Variants in SAMD10 observed in about 807,000 individuals in gnomAD.
SAMD10 encodes the protein sterile alpha motif domain-containing protein 10.
A neutral mutation model predicts 22.5 loss-of-function variants in SAMD10; 16 were observed. The observed-to-expected ratio is 0.71, with a 90% CI of 0.48 to 1.08. The LOEUF (loss-of-function observed/expected upper bound fraction) is 1.08. Ranked by LOEUF, SAMD10 falls within the 50% of genes least tolerant of loss-of-function variation. The pLI is 0.00. For missense variants in SAMD10, 227 were observed against 281.3 expected (o/e 0.81, Z 1.38); for synonymous variants, 118 against 122.2 (o/e 0.97, Z 0.23).
rs1041660546 is a variant in SAMD10 at position 63,977,910 on chromosome 20, C to T, written c.92-504G>A. ...TGCTTGCCCATCGCCACTGAAGGCA[C>T]CCAGTTCACACAGCCCTATCTGGTG... On this transcript the variant is annotated intron_variant, in intron 1 of 4. Transcript: ENST00000369886. This position sits in a 1 kb window ranked among gnomAD's most constrained non-coding sequence, Gnocchi z 5.4. Among the ~76,000 whole-genome samples, 1 of 152,226 alleles carries T rather than the reference C, an allele frequency of 6.6e-6. No individual in the cohort carries two copies. Among genetic ancestry groups the T allele is most frequent in the Non-Finnish European group, 1.5e-5 (1 of 68,038 alleles).
intron 4 of SAMD10, 33 bp downstream of exon 4, chr20:63,975,659 A>G: frequency 6.3e-7 from 1 of 1,576,972 alleles, no homozygotes. Context: ...CTTCTCCATC[A>G]GCCCCCAGGC....
rs1601501667 is a variant in SAMD10 at position 63,979,236 on chromosome 20, A to C, written c.91+141T>G. 2 of 553,250 alleles carry C rather than the reference A, an allele frequency of 3.6e-6. No homozygotes were observed. The highest frequency in any genetic ancestry group is 5.8e-6 in the Non-Finnish European group (2 of 343,856). The allele number at this position is 553,250 out of a possible 1,614,324, so 34.3% of individuals were successfully genotyped here. On this transcript the variant is annotated intron_variant, in intron 1 of 4. Transcript: ENST00000369886. This position sits in a 1 kb window ranked among gnomAD's most constrained non-coding sequence, Gnocchi z 7.7. ...CCTAAAGCAGGACAAAGGCTACGGG[A>C]CCCCGTTGAGCCGAGACATCCGCCG...
chr20:63,978,922 A>G (rs2059043149), intron 1 of SAMD10, among the ~76,000 whole-genome samples: 2 of 151,886 alleles, frequency 1.3e-5, no homozygotes, highest in Admixed American at 6.5e-5. Flanking sequence ...GGCTCCGCCC[A>G]TTTCCTGCCT....
rs1294699193 is a variant in SAMD10, at chr20:63,979,341, C to T, written c.91+36G>A. On this transcript the variant is annotated intron_variant, in intron 1 of 4. Coordinates refer to ENST00000369886, the MANE Select transcript of SAMD10 (RefSeq NM_080621.5). The surrounding 1 kb of genome is among the most constrained non-coding windows in gnomAD (Gnocchi z 7.7). Reference sequence around the variant, plus strand: ...CCTCTGGGTCCCTGAGACCCCCGCCCGAGAAATCCCCGCTCCCCAATCCAG... The same window carrying T: ...CCTCTGGGTCCCTGAGACCCCCGCCTGAGAAATCCCCGCTCCCCAATCCAG... 7.0e-7 allele frequency: 1 copy of T among 1,434,980 alleles called. No homozygotes were observed. The highest frequency in any genetic ancestry group is 9.2e-7 in the Non-Finnish European group (1 of 1,090,424). 88.9% of individuals were successfully genotyped at this position (1,434,980 alleles called of 1,614,324 possible). A position where few individuals can be genotyped will look rare whatever the true frequency, so the allele number is the denominator to read the frequency against.
In SAMD10 at chr20:63,977,459, C is replaced by T. The variant is rs2122937177; in HGVS notation, c.92-53G>A. On this transcript the variant is annotated intron_variant, in intron 1 of 4. Transcript: ENST00000369886. This position sits in a 1 kb window ranked among gnomAD's most constrained non-coding sequence, Gnocchi z 5.4. ...AGTCAAGGGCAGAACCAGAGGCTTC[C>T]TCTACTTGAGAGCTAGCTCCCTGCC... 6.3e-7 allele frequency: 1 copy of T among 1,576,630 alleles called. No homozygotes were observed. The highest frequency in any genetic ancestry group is 1.3e-5 in the African/African-American group (1 of 74,306).
At position 63,979,543 on chromosome 20, in the gene SAMD10, C is replaced by G. The variant is rs2059049761; in HGVS notation, c.-76G>C. ...CGGCCGGTGTGGCCGGCGGGGAACG[C>G]GCGCCGCCGCCCCGCCCCGCCCCAG... On this transcript the variant is annotated 5_prime_UTR_variant, in exon 1 of 5. Transcript: ENST00000369886. The surrounding 1 kb of genome is among the most constrained non-coding windows in gnomAD (Gnocchi z 7.7). 3 of 1,013,042 alleles carry G rather than the reference C, an allele frequency of 3.0e-6. No homozygotes were observed. The highest frequency in any genetic ancestry group is 1.8e-5 in the African/African-American group (1 of 57,138). 62.8% of individuals were successfully genotyped at this position (1,013,042 alleles called of 1,614,324 possible). A position where few individuals can be genotyped will look rare whatever the true frequency, so the allele number is the denominator to read the frequency against.
At position 63,975,816 on chromosome 20, in the gene SAMD10, C is replaced by A. The variant is rs973463538; in HGVS notation, c.462G>T (p.Arg154=). The change falls in exon 4 of 5, where the codon CGG becomes CGT. Residue 154 remains arginine, a synonymous_variant. Transcript: ENST00000369886. ...TCCGCTGCAGCTTCTCCGCATTCAG[C>A]CGCAGCAGTGCCCGGCCTGGGGAGA... The part of the protein sequence containing the change: ...QHAITGRALL[R]LNAEKLQRMG... 3.7e-6 allele frequency: 6 copies of A among 1,600,608 alleles called. No individual in the cohort carries two copies. In the African/African-American group the frequency reaches 5.4e-5, roughly 14 times the overall value.
upstream of SAMD10, chr20:63,980,074 A>G (rs960636082): frequency 4.6e-5 from 7 of 152,596 alleles, no homozygotes; most frequent in African/African-American, 1.4e-4. Flanking sequence ...AGTGCTCTGT[A>G]ACTGAAAGGG....
At chr20:63,976,783 A>G (rs1174198511) in intron 3 of SAMD10, among the ~76,000 whole-genome samples, 188 bp downstream of exon 3, 5 of 151,296 alleles carry the variant, frequency 3.3e-5, no homozygotes, top group Non-Finnish European at 7.4e-5. Context: ...AAAAAAAAAA[A>G]AAAAAAAAGA....
chr20:63,975,845 AAG>A lies in SAMD10; in HGVS notation c.446-15_446-14del, dbSNP rs762340522. 12 of 1,584,228 alleles carry A rather than the reference AAG, an allele frequency of 7.6e-6. No individual in the cohort carries two copies. The African/African-American group carries it at 8.1e-5, about 11-fold the overall frequency. The stretch of plus-strand genomic sequence containing the variant: ...AGCAGTGCCCGGCCTGGGGAGAGGA[AAG>A]AGGGGCTGAGCTGAGGCCAACAGAG... On this transcript the variant is annotated splice_polypyrimidine_tract_variant and intron_variant, in intron 3 of 4. Coordinates refer to ENST00000369886, the MANE Select transcript of SAMD10 (RefSeq NM_080621.5).
Position 63,975,399 on chromosome 20 carries a change from C to A in SAMD10, c.*111G>T. 2 of 1,388,446 alleles carry A rather than the reference C, an allele frequency of 1.4e-6. No individual in the cohort carries two copies. The highest frequency in any genetic ancestry group is 1.2e-5 in the South Asian group (1 of 82,286). The allele number at this position is 1,388,446 out of a possible 1,614,324, so 86.0% of individuals were successfully genotyped here. On this transcript the variant is annotated 3_prime_UTR_variant, in exon 5 of 5. Coordinates refer to ENST00000369886, the MANE Select transcript of SAMD10 (RefSeq NM_080621.5). The stretch of plus-strand genomic sequence containing the variant: ...TGTCTGTCCGTTGGGCCAGCCTGGC[C>A]GCCCCGGCATCCCGCAGGGTCCAAG...
chr20:63,977,423 C>A lies in SAMD10; in HGVS notation c.92-17G>T, dbSNP rs373058051. On this transcript the variant is annotated splice_polypyrimidine_tract_variant and intron_variant, in intron 1 of 4. Coordinates refer to ENST00000369886, the MANE Select transcript of SAMD10 (RefSeq NM_080621.5). This position sits in a 1 kb window ranked among gnomAD's most constrained non-coding sequence, Gnocchi z 5.4. Reference sequence around the variant, plus strand: ...GGGCAGTGGCTGTGTGTGGGGGTGCCTGGTCAGGGCAGTCAAGGGCAGAAC... The same window carrying A: ...GGGCAGTGGCTGTGTGTGGGGGTGCATGGTCAGGGCAGTCAAGGGCAGAAC... 22 of 1,611,030 alleles carry A rather than the reference C, an allele frequency of 1.4e-5. No individual in the cohort carries two copies. In the African/African-American group the frequency reaches 2.9e-4, roughly 22 times the overall value.
In SAMD10 at chr20:63,977,409, G is replaced by A. The variant is rs756855891; in HGVS notation, c.92-3C>T. ...GCAGAAGCTGAAGTGGGCAGTGGCT[G>A]TGTGTGGGGGTGCCTGGTCAGGGCA... On this transcript the variant is annotated splice_region_variant and splice_polypyrimidine_tract_variant and intron_variant, in intron 1 of 4. Transcript: ENST00000369886. This position sits in a 1 kb window ranked among gnomAD's most constrained non-coding sequence, Gnocchi z 5.4. 1.9e-6 allele frequency: 3 copies of A among 1,612,438 alleles called. No homozygotes were observed. The highest frequency in any genetic ancestry group is 1.1e-5 in the South Asian group (1 of 91,012).
Position 63,975,735 on chromosome 20 carries a change from C to T in SAMD10, c.543G>A (p.Leu181=). 6.2e-7 allele frequency: 1 copy of T among 1,606,070 alleles called. No individual in the cohort carries two copies. The highest frequency in any genetic ancestry group is 8.5e-7 in the Non-Finnish European group (1 of 1,179,212). ...GGCTCCGCCCCTCCTCACGCACCTG[C>T]AGGCGGAGCACCTGCTGCAGCACCT... The part of the protein sequence containing the change: ...RQEVLQQVLR[L]QVREEGRSLQ... The change falls in exon 4 of 5, where the codon CTG becomes CTA. Residue 181 remains leucine, a synonymous_variant. Transcript: ENST00000369886.
rs1474463205 is a variant in SAMD10 at position 63,977,231 on chromosome 20, G to A, written c.267C>T (p.Thr89=). Residue 89 remains threonine, a synonymous_variant, in exon 2 of 5, where the codon ACC becomes ACT. Coordinates refer to ENST00000369886, the MANE Select transcript of SAMD10 (RefSeq NM_080621.5). This position sits in a 1 kb window ranked among gnomAD's most constrained non-coding sequence, Gnocchi z 5.4. The stretch of plus-strand genomic sequence containing the variant: ...GGGTGGAGTGGGTGGGTACCTGGGG[G>A]GTGTCTGTGCCGGGCTGCTGCAGGA... ...IKLLQQPGTD[T]PQGRLYSDHY... is the part of the protein sequence containing the mutation. 1 of 1,613,546 alleles carries A rather than the reference G, an allele frequency of 6.2e-7. No homozygotes were observed. The highest frequency in any genetic ancestry group is 8.5e-7 in the Non-Finnish European group (1 of 1,179,948).
In SAMD10 at chr20:63,977,558, G is replaced by T; in HGVS notation, c.92-152C>A. On this transcript the variant is annotated intron_variant, in intron 1 of 4. Transcript: ENST00000369886. This position sits in a 1 kb window ranked among gnomAD's most constrained non-coding sequence, Gnocchi z 5.4. Reference sequence around the variant, plus strand: ...CCCAAGCCTCCAAAGGCAGAAGGAAGTGTGCAGGACCTGTTTCGAGGACCT... The same window carrying T: ...CCCAAGCCTCCAAAGGCAGAAGGAATTGTGCAGGACCTGTTTCGAGGACCT... 1.3e-6 allele frequency: 1 copy of T among 761,580 alleles called. No individual in the cohort carries two copies. Among genetic ancestry groups the T allele is most frequent in the South Asian group, 1.7e-5 (1 of 57,148 alleles). 47.2% of individuals were successfully genotyped at this position (761,580 alleles called of 1,614,324 possible). A position where few individuals can be genotyped will look rare whatever the true frequency, so the allele number is the denominator to read the frequency against.
intron 1 of SAMD10, chr20:63,978,152 C>A: frequency 2.2e-6 from 1 of 458,798 alleles, no homozygotes; most frequent in South Asian, 1.8e-5. Context: ...TGCTTGGGGA[C>A]CCACGGTGAT....
chr20:63,979,722 G>A, upstream of SAMD10: 1 of 978,484 alleles, frequency 1.0e-6, no homozygotes, highest in Non-Finnish European at 1.2e-6. The surrounding 1 kb of genome is among the most constrained non-coding windows in gnomAD (Gnocchi z 7.7). Flanking sequence ...CCAGGGCGAG[G>A]GGCGTCCGTG....
At chr20:63,976,312 G>C (rs1157170750) in intron 3 of SAMD10, among the ~76,000 whole-genome samples, 1 of 152,042 alleles carries the variant, frequency 6.6e-6, no homozygotes, top group Non-Finnish European at 1.5e-5. Flanking sequence ...GAGAGGAAGC[G>C]AGGTTCAGAG....
Sources: gnomAD v4.1 joint callset for allele counts (sites outside exome capture counted in the v4.1 genomes callset) on GRCh38, gnomAD v4.1.1 for gene constraint, Gnocchi (gnomAD v3.1) non-coding constraint, MANE v1.5 for transcripts, NCBI Gene and HGNC (gene_info 2026-07-23, HGNC 2026-07-21) for gene names.